Variants in MYOCD observed in about 807,000 individuals in gnomAD.
MYOCD encodes the protein myocardin.
A neutral mutation model predicts 96.1 loss-of-function variants in MYOCD; 32 were observed. The observed-to-expected ratio is 0.33, with a 90% CI of 0.25 to 0.45. The LOEUF (loss-of-function observed/expected upper bound fraction) is 0.45, where lower values mean the gene tolerates loss of function less well. Among genes scored for constraint, MYOCD ranks in the 20% least tolerant of loss-of-function variants. The pLI is 1.00. For missense variants in MYOCD, 1,133 were observed against 1,200.6 expected, an observed-to-expected ratio of 0.94 and a Z score of 0.83; for synonymous variants, 469 against 469.0, an observed-to-expected ratio of 1.00 and a Z score of 0.00.
intron 4 of MYOCD, among the ~76,000 whole-genome samples, chr17:12,717,998 T>G (rs7210662): frequency 0.046 from 6,951 of 152,182 alleles, 498 homozygotes; most frequent in African/African-American, 0.16. Flanking sequence ...TGGCTTCTAC[T>G]CCCGCCTCAT....
intron 6 of MYOCD, among the ~76,000 whole-genome samples, chr17:12,737,128 G>A (rs892548556): frequency 8.6e-5 from 13 of 152,010 alleles, no homozygotes; most frequent in Admixed American, 2.0e-4. Flanking sequence ...GGTGGTGCGC[G>A]CCTGTAATCC....
At chr17:12,697,997 C>G (rs16946442) in intron 1 of MYOCD, among the ~76,000 whole-genome samples, 20,618 of 151,980 alleles carry the variant, frequency 0.14, 1,520 homozygotes, top group Admixed American at 0.19. Flanking sequence ...CAAAGGCAAA[C>G]AATGTGAATG....
intron 1 of MYOCD, among the ~76,000 whole-genome samples, chr17:12,674,275 A>G (rs566019096): frequency 6.6e-6 from 1 of 152,252 alleles, no homozygotes; most frequent in Non-Finnish European, 1.5e-5. Context: ...CCATACACAC[A>G]TACCTGACCC....
chr17:12,761,739 T>C, intron 13 of MYOCD: 1 of 152,530 alleles, frequency 6.6e-6, no homozygotes, highest in Non-Finnish European at 1.5e-5. Context: ...TTCTCCTGCC[T>C]CAGCCTCCCA....
chr17:12,753,901 C>T (rs2032934358), intron 10 of MYOCD, among the ~76,000 whole-genome samples: 1 of 152,160 alleles, frequency 6.6e-6, no homozygotes, highest in Non-Finnish European at 1.5e-5. Context: ...CTACTATGTG[C>T]CAGGCCCCGT....
At chr17:12,670,541 A>C (rs999130316) in intron 1 of MYOCD, among the ~76,000 whole-genome samples, 1 of 152,198 alleles carries the variant, frequency 6.6e-6, no homozygotes, top group African/African-American at 2.4e-5. Flanking sequence ...CATGAGCTCG[A>C]GAGAAGCCCA....
At chr17:12,684,657 C>T (rs1456364006) in intron 1 of MYOCD, among the ~76,000 whole-genome samples, 1 of 151,214 alleles carries the variant, frequency 6.6e-6, no homozygotes, top group Non-Finnish European at 1.5e-5. Flanking sequence ...TTAGCCTGGC[C>T]AACATAGTGA....
At position 12,767,148 on chromosome 17, in the gene MYOCD, A is replaced by G. The variant is rs1026810538; in HGVS notation, c.*3504A>G. Reference sequence around the variant, plus strand: ...TCAGTTCAGCTGTCACATTATGAGAAGTAAATCAGAATTTTTTTAAGGAGA... The same window carrying G: ...TCAGTTCAGCTGTCACATTATGAGAGGTAAATCAGAATTTTTTTAAGGAGA... On this transcript the variant is annotated 3_prime_UTR_variant, in exon 14 of 14. Coordinates refer to ENST00000425538, the MANE Select transcript of MYOCD (RefSeq NM_001146312.3). 2.6e-5 allele frequency: 4 copies of G among 152,178 alleles called. No individual in the cohort carries two copies. Among genetic ancestry groups the G allele is most frequent in the Admixed American group, 2.0e-4 (3 of 15,270 alleles). The allele number at this position is 152,178 out of a possible 1,614,324, so 9.4% of individuals were successfully genotyped here.
At chr17:12,743,709 T>A (rs1310377192) in intron 7 of MYOCD, among the ~76,000 whole-genome samples, 1 of 152,120 alleles carries the variant, frequency 6.6e-6, no homozygotes, top group African/African-American at 2.4e-5. Context: ...GTCAGGCTAG[T>A]CTCGAACTCA....
intron 10 of MYOCD, among the ~76,000 whole-genome samples, chr17:12,754,937 AG>A (rs2032969531): frequency 6.6e-6 from 1 of 152,228 alleles, no homozygotes; most frequent in Non-Finnish European, 1.5e-5. Flanking sequence ...TTAGTTACCC[AG>A]GATCACATGA....
chr17:12,704,130 C>T (rs977672272), intron 1 of MYOCD, among the ~76,000 whole-genome samples: 1 of 152,034 alleles, frequency 6.6e-6, no homozygotes, highest in African/African-American at 2.4e-5. Context: ...ACATTGTGAG[C>T]CTTATCTAGT....
At chr17:12,678,459 C>G (rs995884455) in intron 1 of MYOCD, among the ~76,000 whole-genome samples, 2 of 151,940 alleles carry the variant, frequency 1.3e-5, no homozygotes, top group Non-Finnish European at 2.9e-5. Flanking sequence ...GCTATGAGGA[C>G]CAGCAAAGGC....
chr17:12,708,974 G>A (rs561879402), intron 2 of MYOCD, among the ~76,000 whole-genome samples: 23 of 152,232 alleles, frequency 1.5e-4, no homozygotes, highest in East Asian at 3.9e-4. Flanking sequence ...AAAGTGTGTC[G>A]TGCGAAAATG....
At chr17:12,739,443 A>G in intron 7 of MYOCD, 115 bp downstream of exon 7, 1 of 1,247,982 alleles carries the variant, frequency 8.0e-7, no homozygotes, top group Non-Finnish European at 1.1e-6. Context: ...CGGAGGACCC[A>G]GGCAGAGGTT....
intron 1 of MYOCD, among the ~76,000 whole-genome samples, chr17:12,668,780 T>C (rs113462519): frequency 0.017 from 2,535 of 152,208 alleles, 83 homozygotes; most frequent in African/African-American, 0.057. Context: ...ATAAAGAGGA[T>C]GACTATAGGG....
At chr17:12,685,420 C>T (rs1366280977) in intron 1 of MYOCD, among the ~76,000 whole-genome samples, 2 of 152,126 alleles carry the variant, frequency 1.3e-5, no homozygotes, top group Admixed American at 6.5e-5. Context: ...GCCTGGACAA[C>T]AGGGTGAAAC....
intron 2 of MYOCD, among the ~76,000 whole-genome samples, chr17:12,713,498 G>T (rs543824774): frequency 6.6e-6 from 1 of 152,094 alleles, no homozygotes; most frequent in Non-Finnish European, 1.5e-5. Context: ...GAGGAAAAGG[G>T]CATGTTATTC....
At chr17:12,733,372 C>A (rs2032237260) in intron 5 of MYOCD, among the ~76,000 whole-genome samples, 1 of 151,782 alleles carries the variant, frequency 6.6e-6, no homozygotes, top group Non-Finnish European at 1.5e-5. Flanking sequence ...CCCTGCCCTA[C>A]CTATCCCCCA....
intron 11 of MYOCD, among the ~76,000 whole-genome samples, chr17:12,757,663 T>C (rs2033051195): frequency 6.6e-6 from 1 of 151,988 alleles, no homozygotes; most frequent in Admixed American, 6.6e-5. Flanking sequence ...CCTGGCTAAT[T>C]TTTTTATTTT....
Sources: gnomAD v4.1 joint callset for allele counts (sites outside exome capture counted in the v4.1 genomes callset) on GRCh38, gnomAD v4.1.1 for gene constraint, MANE v1.5 for transcripts, NCBI Gene and HGNC (gene_info 2026-07-23, HGNC 2026-07-21) for gene names.